The following RABGAP1L variants were observed in gnomAD, a reference collection of about 807,000 sequenced individuals.
RABGAP1L encodes RAB GTPase activating protein 1 like, also known as rab GTPase-activating protein 1-like.
Under a neutral mutation model 137.7 loss-of-function variants are expected in RABGAP1L, and 63 were observed. That is an observed-to-expected ratio of 0.46 (90% CI 0.37 to 0.56). The LOEUF is 0.56. RABGAP1L is among the 20% of genes least tolerant of loss of function. RABGAP1L has a pLI of 0.00. For missense variants in RABGAP1L, 1,095 were observed against 1,244.0 expected, an observed-to-expected ratio of 0.88 and a Z score of 1.80; for synonymous variants, 431 against 433.7, an observed-to-expected ratio of 0.99 and a Z score of 0.08.
At chr1:174,622,569 T>C (rs1182377473) in intron 13 of RABGAP1L, among the ~76,000 whole-genome samples, 2 of 152,042 alleles carry the variant, frequency 1.3e-5, no homozygotes, top group East Asian at 3.9e-4. Context: ...ATGGATGAAG[T>C]TGGAAACCAT....
At chr1:174,823,920 A>C (rs1691305173) in intron 19 of RABGAP1L, among the ~76,000 whole-genome samples, 1 of 152,156 alleles carries the variant, frequency 6.6e-6, no homozygotes, top group African/African-American at 2.4e-5. Flanking sequence ...ATACTTTGGG[A>C]TACTTTGCCG....
chr1:174,548,248 A>G, intron 13 of RABGAP1L: 1 of 1,398,894 alleles, frequency 7.1e-7, no homozygotes, highest in Non-Finnish European at 9.3e-7. Flanking sequence ...AAGTAATCTA[A>G]GATTCTGTTT....
intron 13 of RABGAP1L, among the ~76,000 whole-genome samples, chr1:174,540,656 T>TCTGTTTTGGTACCAGTACCATG (rs1665316566): frequency 6.6e-6 from 1 of 152,034 alleles, no homozygotes; most frequent in Non-Finnish European, 1.5e-5. Context: ...GGTCTATATC[T>TCTGTTTTGGTACCAGTACCATG]CTGTTTTGGT....
At chr1:174,395,626 A>G (rs1319893877) in intron 13 of RABGAP1L, among the ~76,000 whole-genome samples, 2 of 152,196 alleles carry the variant, frequency 1.3e-5, no homozygotes, top group Admixed American at 6.5e-5. Flanking sequence ...TTATACAAGT[A>G]GTTGCAGAGA....
At chr1:174,436,838 C>T (rs922713506) in intron 13 of RABGAP1L, among the ~76,000 whole-genome samples, 41 of 152,246 alleles carry the variant, frequency 2.7e-4, no homozygotes, top group South Asian at 8.3e-4. Flanking sequence ...CAGACTGAAA[C>T]CTCACACAGC....
intron 15 of RABGAP1L, among the ~76,000 whole-genome samples, chr1:174,686,311 T>C (rs1275515893): frequency 2.0e-5 from 3 of 152,210 alleles, no homozygotes; most frequent in Non-Finnish European, 2.9e-5. Context: ...ATGGTTTTTT[T>C]CCCTCTGTTA....
At chr1:174,260,314 T>C (rs1159367884) in intron 7 of RABGAP1L, among the ~76,000 whole-genome samples, 1 of 152,182 alleles carries the variant, frequency 6.6e-6, no homozygotes, top group Non-Finnish European at 1.5e-5. Flanking sequence ...TTAAGCCAGT[T>C]TGAAGATAAA....
chr1:174,546,275 G>C (rs988940582), intron 13 of RABGAP1L, among the ~76,000 whole-genome samples: 2 of 152,138 alleles, frequency 1.3e-5, no homozygotes, highest in African/African-American at 2.4e-5. Context: ...GTGGGTGAGA[G>C]AACATATTAG....
intron 14 of RABGAP1L, among the ~76,000 whole-genome samples, chr1:174,656,488 A>G (rs2148407483): frequency 6.6e-6 from 1 of 152,274 alleles, no homozygotes; most frequent in East Asian, 1.9e-4. Flanking sequence ...ATAAATGTAC[A>G]ATTCATTGAG....
At chr1:174,801,425 A>C (rs573261393) in intron 18 of RABGAP1L, among the ~76,000 whole-genome samples, 1 of 152,100 alleles carries the variant, frequency 6.6e-6, no homozygotes, top group Non-Finnish European at 1.5e-5. Context: ...ATTCATCTCT[A>C]TTTATACTTA....
Position 174,719,136 on chromosome 1 carries a change from G to A in RABGAP1L, c.2169+16880G>A, listed in dbSNP as rs1387959244. Among the ~76,000 whole-genome samples the A allele has an allele frequency of 2.0e-5, 3 of 152,024 alleles. No individual in the cohort carries two copies. In the East Asian group the frequency reaches 5.8e-4, roughly 29 times the overall value. ...TTACAGGCGTGAGCCACCGCACCCG[G>A]CCTATAGTATGGTAGGTTTTCTGAG... On this transcript the variant is annotated intron_variant, in intron 17 of 25. Transcript: ENST00000681986.
chr1:174,555,993 CTTTTT>C (rs367653521), intron 13 of RABGAP1L, among the ~76,000 whole-genome samples: 32 of 115,466 alleles, frequency 2.8e-4, no homozygotes, highest in Non-Finnish European at 5.6e-4. Context: ...GTTCGTTTGC[CTTTTT>C]TTTTTTTTTT....
At chr1:174,269,808 C>A (rs10798309) in intron 7 of RABGAP1L, among the ~76,000 whole-genome samples, 116 of 151,924 alleles carry the variant, frequency 7.6e-4, no homozygotes, top group Admixed American at 1.0e-3. Flanking sequence ...ACTTATTTTC[C>A]CCCCCACTAT....
chr1:174,400,101 T>C (rs1648381895), intron 13 of RABGAP1L, among the ~76,000 whole-genome samples: 1 of 152,158 alleles, frequency 6.6e-6, no homozygotes, highest in South Asian at 2.1e-4. Context: ...GCCAGCAGGC[T>C]AGGTGGAGCC....
chr1:174,323,469 C>G (rs1389092119), intron 11 of RABGAP1L, among the ~76,000 whole-genome samples: 1 of 152,014 alleles, frequency 6.6e-6, no homozygotes, highest in East Asian at 1.9e-4. Flanking sequence ...TTAATGTTCC[C>G]TTTCCAGATG....
intron 18 of RABGAP1L, 88 bp downstream of exon 18, chr1:174,752,442 C>A: frequency 1.0e-6 from 1 of 983,710 alleles, no homozygotes; most frequent in Non-Finnish European, 1.5e-6. Context: ...GTCTTTGACT[C>A]ATTTCAGTTT....
intron 11 of RABGAP1L, among the ~76,000 whole-genome samples, chr1:174,339,465 G>A (rs867084195): frequency 1.2e-4 from 18 of 152,162 alleles, no homozygotes; most frequent in South Asian, 2.1e-4. Flanking sequence ...GGCAAGTCCC[G>A]AATGTCTAAT....
Position 174,614,697 on chromosome 1 carries a change from C to T in RABGAP1L, c.1711-22678C>T, listed in dbSNP as rs567679434. On this transcript the variant is annotated intron_variant, in intron 13 of 25. Transcript: ENST00000681986. ...TTTTCCAACTTGGTTCCATTCTCCC[C>T]GTCACTTTCAGGTACACCAATCAGA... 1.1e-3 allele frequency among the ~76,000 whole-genome samples: 175 copies of T among 152,308 alleles called. 1 individual carries two copies. Among genetic ancestry groups the T allele is most frequent in the Admixed American group, 3.1e-3 (47 of 15,300 alleles).
At chr1:174,307,116 G>T (rs1678349709) in intron 11 of RABGAP1L, among the ~76,000 whole-genome samples, 2 of 152,042 alleles carry the variant, frequency 1.3e-5, no homozygotes, top group Admixed American at 6.6e-5. Flanking sequence ...TGGTTTTAAG[G>T]ATGAGAAACT....
Sources: allele counts gnomAD v4.1 joint callset (sites outside exome capture counted in the v4.1 genomes callset), GRCh38; gene constraint gnomAD v4.1.1; transcripts MANE v1.5; gene names NCBI Gene and HGNC (gene_info 2026-07-23, HGNC 2026-07-21).